Variants in IGF1R observed in about 807,000 individuals in gnomAD.
IGF1R encodes the protein insulin like growth factor 1 receptor.
IGF1R carries 44 observed loss-of-function variants against 144.6 expected under a neutral mutation model. The observed-to-expected ratio is 0.30, with a 90% CI of 0.24 to 0.39. The LOEUF is 0.39. Among genes scored for constraint, IGF1R ranks in the 10% least tolerant of loss-of-function variants. The probability of loss-of-function intolerance (pLI) is 1.00; values close to 1 mark genes in which losing one functional copy is unlikely to be tolerated. For missense variants in IGF1R, 1,355 were observed against 1,833.7 expected (o/e 0.74, Z 4.77); for synonymous variants, 795 against 722.8 (o/e 1.10, Z -1.60).
In IGF1R at chr15:98,911,439, A is replaced by G. The variant is rs770322271; in HGVS notation, c.1587A>G (p.Glu529=). 23 of 1,614,078 alleles carry G rather than the reference A, an allele frequency of 1.4e-5. No individual in the cohort carries two copies. The highest frequency in any genetic ancestry group is 1.8e-5 in the Non-Finnish European group (21 of 1,180,030). The change falls in exon 7 of 21, where the codon GAA becomes GAG. Residue 529 remains glutamate, a splice_region_variant and synonymous_variant. Coordinates refer to ENST00000650285, the MANE Select transcript of IGF1R (RefSeq NM_000875.5). ...TCAGCTTCACCGTTTACTACAAGGA[A>G]GCGTGAGTTTCTGCTTTGGGTGATG... ...DLISFTVYYK[E]APFKNVTEYD...
intron 1 of IGF1R, among the ~76,000 whole-genome samples, chr15:98,670,104 T>C (rs2052850305): frequency 6.6e-6 from 1 of 152,136 alleles, no homozygotes; most frequent in Admixed American, 6.6e-5. Context: ...AGGAGGTATG[T>C]GAGGTGTGTA....
chr15:98,716,435 G>T (rs764086716), intron 2 of IGF1R, among the ~76,000 whole-genome samples: 2 of 152,130 alleles, frequency 1.3e-5, no homozygotes, highest in Non-Finnish European at 2.9e-5. Context: ...GGGAATCAGG[G>T]TTTAAGAAAT....
At chr15:98,650,836 T>C (rs978577759) in intron 1 of IGF1R, 11 of 895,202 alleles carry the variant, frequency 1.2e-5, no homozygotes, top group African/African-American at 1.8e-5. Flanking sequence ...CGCTCCACAT[T>C]CGCTGTCTTT....
chr15:98,897,204 C>T (rs780420910), intron 4 of IGF1R: 5 of 413,908 alleles, frequency 1.2e-5, no homozygotes, highest in African/African-American at 6.1e-5. Context: ...ATACAAACCC[C>T]AGAAGAGACC....
intron 2 of IGF1R, among the ~76,000 whole-genome samples, chr15:98,867,154 G>GGGGAGA (rs1456945652): frequency 2.1e-5 from 3 of 146,142 alleles, no homozygotes; most frequent in African/African-American, 7.6e-5. Context: ...AGAGAAAGGG[G>GGGGAGA]GAGAGAGAGA....
chr15:98,828,619 T>C (rs754972940), intron 2 of IGF1R, among the ~76,000 whole-genome samples: 5 of 152,172 alleles, frequency 3.3e-5, no homozygotes, highest in Admixed American at 1.3e-4. Context: ...TCAGTTCCAG[T>C]GCTGTGGCCA....
chr15:98,881,287 C>T (rs1295039375), intron 2 of IGF1R, among the ~76,000 whole-genome samples: 2 of 151,754 alleles, frequency 1.3e-5, no homozygotes, highest in African/African-American at 4.8e-5. Flanking sequence ...ACTCCCATAG[C>T]CCCTTCCTTT....
intron 20 of IGF1R, among the ~76,000 whole-genome samples, chr15:98,956,101 G>A (rs1001349291): frequency 1.1e-4 from 16 of 152,314 alleles, no homozygotes; most frequent in African/African-American, 3.6e-4. Context: ...GTCAAAGCCC[G>A]GGCCTTTCCT....
rs2017217367 is a variant in IGF1R, at chr15:98,961,321, T to C, written c.*3879T>C. On this transcript the variant is annotated 3_prime_UTR_variant, in exon 21 of 21. Transcript: ENST00000650285. The stretch of plus-strand genomic sequence containing the variant: ...TGTCCGAGTTACTGATGTCATTTTG[T>C]TTTTGTTTTATGTAGGTAGCTTTTA... 2.1e-5 allele frequency: 5 copies of C among 233,294 alleles called. No homozygotes were observed. Among genetic ancestry groups the C allele is most frequent in the African/African-American group, 2.2e-5 (1 of 45,284 alleles). 14.5% of individuals were successfully genotyped at this position (233,294 alleles called of 1,614,324 possible). A position where few individuals can be genotyped will look rare whatever the true frequency, so the allele number is the denominator to read the frequency against.
chr15:98,874,011 T>G (rs2012923746), intron 2 of IGF1R, among the ~76,000 whole-genome samples: 1 of 152,194 alleles, frequency 6.6e-6, no homozygotes, highest in African/African-American at 2.4e-5. Flanking sequence ...ACTGAGCTTA[T>G]TAAGAGCCCT....
intron 1 of IGF1R, among the ~76,000 whole-genome samples, chr15:98,675,862 G>A (rs1269891623): frequency 8.5e-6 from 1 of 117,500 alleles, no homozygotes; most frequent in Non-Finnish European, 1.6e-5. Context: ...GTCTCGCTCT[G>A]TTGCTCAGGC....
intron 1 of IGF1R, among the ~76,000 whole-genome samples, chr15:98,700,649 GC>G (rs1364339652): frequency 6.6e-6 from 1 of 152,148 alleles, no homozygotes; most frequent in African/African-American, 2.4e-5. Context: ...CTGCTTTCTA[GC>G]ATCTGTCCCA....
chr15:98,899,976 T>A lies in IGF1R; in HGVS notation c.1247+355T>A, dbSNP rs574757693. 2.2e-3 allele frequency among the ~76,000 whole-genome samples: 330 copies of A among 152,278 alleles called. 2 individuals are homozygous for A. Among genetic ancestry groups the A allele is most frequent in the African/African-American group, 7.6e-3 (317 of 41,562 alleles). On this transcript the variant is annotated intron_variant, in intron 5 of 20. Coordinates refer to ENST00000650285, the MANE Select transcript of IGF1R (RefSeq NM_000875.5). ...AGTGCTCACCTCCCTGTGAAATCAT[T>A]GTTCGCGCGACCCTCATCTGCCTCA...
chr15:98,726,187 G>A (rs1230534428), intron 2 of IGF1R, among the ~76,000 whole-genome samples: 2 of 152,190 alleles, frequency 1.3e-5, no homozygotes, highest in East Asian at 1.9e-4. Flanking sequence ...AAGAGGAAAT[G>A]GAGGCAAGAG....
chr15:98,861,402 C>G (rs989399033), intron 2 of IGF1R, among the ~76,000 whole-genome samples: 1 of 152,152 alleles, frequency 6.6e-6, no homozygotes, highest in Non-Finnish European at 1.5e-5. Flanking sequence ...TAGGGAGGAC[C>G]CTTACACCCT....
intron 20 of IGF1R, among the ~76,000 whole-genome samples, chr15:98,948,921 C>T (rs1169019077): frequency 1.3e-5 from 2 of 152,206 alleles, no homozygotes; most frequent in Non-Finnish European, 2.9e-5. Flanking sequence ...CCCCATATTC[C>T]GTAATGCTTT....
chr15:98,767,388 A>G (rs1232404692), intron 2 of IGF1R, among the ~76,000 whole-genome samples: 2 of 152,148 alleles, frequency 1.3e-5, no homozygotes, highest in South Asian at 2.1e-4. Flanking sequence ...GCTATGAAGG[A>G]TGGAAGGGCA....
intron 2 of IGF1R, among the ~76,000 whole-genome samples, chr15:98,729,944 G>T (rs889841135): frequency 3.9e-5 from 6 of 152,278 alleles, no homozygotes; most frequent in African/African-American, 1.4e-4. Context: ...CCATGATATT[G>T]TAATTAAAAA....
intron 1 of IGF1R, among the ~76,000 whole-genome samples, chr15:98,700,745 C>T (rs1486783323): frequency 3.3e-5 from 5 of 151,998 alleles, no homozygotes; most frequent in Admixed American, 6.6e-5. Context: ...AGCTGCCTCC[C>T]AGGGTGTGCT....
Sources: allele counts gnomAD v4.1 joint callset (sites outside exome capture counted in the v4.1 genomes callset), GRCh38; gene constraint gnomAD v4.1.1; transcripts MANE v1.5; gene names NCBI Gene and HGNC (gene_info 2026-07-23, HGNC 2026-07-21).